The following DSCAML1 variants were observed in gnomAD, a reference collection of about 807,000 sequenced individuals.
DSCAML1 encodes cell adhesion molecule DSCAML1.
In DSCAML1, 38 loss-of-function variants were observed where a neutral mutation model predicts 200.5. The observed-to-expected ratio is 0.19, with a 90% CI of 0.15 to 0.25. The LOEUF is 0.25. Ranked by LOEUF, DSCAML1 falls within the 10% of genes least tolerant of loss-of-function variation. The pLI, the probability that DSCAML1 is intolerant of heterozygous loss-of-function variation, is 1.00. For missense variants in DSCAML1, 2,223 were observed against 2,858.8 expected (o/e 0.78, Z 5.07); for synonymous variants, 1,215 against 1,165.0 (o/e 1.04, Z -0.87).
Position 117,485,103 on chromosome 11 carries a change from C to T in DSCAML1, c.2360-2941G>A, listed in dbSNP as rs559058575. Reference sequence around the variant, plus strand: ...CCTCTGGCTGGGTGCTGCCTGGTGCCGGGAGCCACAGCTTGGCCAATGAAG... The same window carrying T: ...CCTCTGGCTGGGTGCTGCCTGGTGCTGGGAGCCACAGCTTGGCCAATGAAG... On this transcript the variant is annotated intron_variant, in intron 11 of 32. Coordinates refer to ENST00000651296, the MANE Select transcript of DSCAML1 (RefSeq NM_020693.4). Among the ~76,000 whole-genome samples, 6 of 152,238 alleles carry T rather than the reference C, an allele frequency of 3.9e-5. No individual in the cohort carries two copies. The South Asian group carries it at 8.3e-4, about 21-fold the overall frequency.
At chr11:117,746,221 CAAA>C (rs34362262) in intron 3 of DSCAML1, among the ~76,000 whole-genome samples, 7 of 66,804 alleles carry the variant, frequency 1.0e-4, no homozygotes, top group African/African-American at 4.9e-4. Flanking sequence ...GACTCTGTCT[CAAA>C]AAAAAAAAAA....
intron 3 of DSCAML1, among the ~76,000 whole-genome samples, chr11:117,723,667 T>C (rs1375455180): frequency 6.6e-6 from 1 of 152,200 alleles, no homozygotes; most frequent in East Asian, 1.9e-4. Context: ...CATCTGTGGA[T>C]TGACTGCAGC....
chr11:117,432,639 C>T (rs2047825296), intron 29 of DSCAML1, 135 bp from the exon 30 acceptor site: 4 of 1,020,956 alleles, frequency 3.9e-6, no homozygotes, highest in East Asian at 2.5e-5. Context: ...TTTTTTGAGA[C>T]AGGGTCTCAC....
intron 3 of DSCAML1, among the ~76,000 whole-genome samples, chr11:117,565,883 G>A (rs2050747330): frequency 6.6e-6 from 1 of 152,176 alleles, no homozygotes; most frequent in African/African-American, 2.4e-5. Context: ...TCCTCTGCAT[G>A]CCAAAGCTCA....
At chr11:117,513,168 G>C (rs778434512) in intron 8 of DSCAML1, among the ~76,000 whole-genome samples, 1 of 152,142 alleles carries the variant, frequency 6.6e-6, no homozygotes, top group African/African-American at 2.4e-5. Flanking sequence ...GGCCCGGCCC[G>C]TGATGCTGCT....
chr11:117,586,365 A>G (rs913999947), intron 3 of DSCAML1, among the ~76,000 whole-genome samples: 48 of 152,206 alleles, frequency 3.2e-4, no homozygotes, highest in African/African-American at 1.1e-3. Context: ...TGCATTTTGA[A>G]GTGTGCCACA....
rs1401690703 is a variant in DSCAML1 at position 117,792,526 on chromosome 11, GAGGTGGA to G, written c.46+4501_46+4507del. Among the ~76,000 whole-genome samples the G allele has an allele frequency of 4.6e-3, 694 of 152,222 alleles. 3 individuals carry two copies. Among genetic ancestry groups the G allele is most frequent in the South Asian group, 0.015 (71 of 4,816 alleles). ...CCACATACCTGAAGCTGCCCTAGGGGAGGTGGAATGAGAAGCTGGTGCTATATCTTTC... is the reference window on the plus strand; with the variant it reads ...CCACATACCTGAAGCTGCCCTAGGGGATGAGAAGCTGGTGCTATATCTTTC... On this transcript the variant is annotated intron_variant, in intron 1 of 32. Coordinates refer to ENST00000651296, the MANE Select transcript of DSCAML1 (RefSeq NM_020693.4).
At chr11:117,721,726 T>G (rs894526114) in intron 3 of DSCAML1, among the ~76,000 whole-genome samples, 1 of 147,452 alleles carries the variant, frequency 6.8e-6, no homozygotes, top group Non-Finnish European at 1.5e-5. Context: ...ATATCATATA[T>G]CATATATAAA....
rs368162792 is a variant in DSCAML1, at chr11:117,588,131, C to T, written c.512-55609G>A. ...CCTGGGTTAGGTTCCACTGTCACCC[C>T]GATTTTACAGTGAGGGAGGCACTGA... is the stretch of plus-strand genomic sequence containing the variant. On this transcript the variant is annotated intron_variant, in intron 3 of 32. Coordinates refer to ENST00000651296, the MANE Select transcript of DSCAML1 (RefSeq NM_020693.4). 2.6e-5 allele frequency among the ~76,000 whole-genome samples: 4 copies of T among 152,270 alleles called. No homozygotes were observed. In the East Asian group the frequency reaches 5.8e-4, roughly 22 times the overall value.
At chr11:117,482,190 G>A (rs748928111) in intron 11 of DSCAML1, 28 bp from the exon 12 acceptor site, 2 of 1,612,718 alleles carry the variant, frequency 1.2e-6, no homozygotes, top group Admixed American at 1.7e-5. Context: ...AGAAGGCCCA[G>A]TGAAGGTCGG....
intron 14 of DSCAML1, 147 bp from the exon 15 acceptor site, chr11:117,472,183 A>G: frequency 1.2e-6 from 1 of 826,214 alleles, no homozygotes. Context: ...GGCCTGAACA[A>G]CTTCACAGAC....
chr11:117,735,816 C>G (rs997227634), intron 3 of DSCAML1, among the ~76,000 whole-genome samples: 12 of 152,206 alleles, frequency 7.9e-5, no homozygotes, highest in African/African-American at 2.9e-4. Context: ...TGGCTTCCCC[C>G]AAGCCCCAGG....
chr11:117,640,764 C>A (rs968641287), intron 3 of DSCAML1, among the ~76,000 whole-genome samples: 3 of 152,202 alleles, frequency 2.0e-5, no homozygotes, highest in Non-Finnish European at 4.4e-5. Flanking sequence ...ACTCTCCAGG[C>A]GTTTCCTTTG....
intron 11 of DSCAML1, among the ~76,000 whole-genome samples, chr11:117,482,921 C>T (rs894774806): frequency 2.0e-5 from 3 of 152,192 alleles, no homozygotes; most frequent in Non-Finnish European, 4.4e-5. Flanking sequence ...TGTTTATCTC[C>T]CTCCTGTTCC....
intron 3 of DSCAML1, among the ~76,000 whole-genome samples, chr11:117,580,010 G>C (rs1307629390): frequency 6.6e-6 from 1 of 152,150 alleles, no homozygotes; most frequent in Non-Finnish European, 1.5e-5. Context: ...TTGCTTCCTG[G>C]AGACACGGTA....
intron 4 of DSCAML1, among the ~76,000 whole-genome samples, chr11:117,530,303 A>C (rs1276453518): frequency 4.6e-5 from 7 of 152,250 alleles, no homozygotes; most frequent in Admixed American, 3.9e-4. Flanking sequence ...TAGAGGATGA[A>C]GGGGCCAAAT....
chr11:117,785,246 A>T (rs1471773271), intron 1 of DSCAML1, among the ~76,000 whole-genome samples: 3 of 152,210 alleles, frequency 2.0e-5, no homozygotes, highest in Admixed American at 1.3e-4. Context: ...GCACCAGGCC[A>T]TATGTGACCC....
intron 3 of DSCAML1, among the ~76,000 whole-genome samples, chr11:117,613,524 C>G (rs1212633305): frequency 6.6e-6 from 1 of 152,082 alleles, no homozygotes; most frequent in African/African-American, 2.4e-5. Context: ...AGTCCTCTAC[C>G]GAGAACAAGA....
At chr11:117,668,898 A>C (rs1057127027) in intron 3 of DSCAML1, 2 of 152,188 alleles carry the variant, frequency 1.3e-5, no homozygotes, top group Non-Finnish European at 2.9e-5. Flanking sequence ...CACTGTAGTG[A>C]TAGAAGGCGG....
Sources: allele counts gnomAD v4.1 joint callset (sites outside exome capture counted in the v4.1 genomes callset), GRCh38; gene constraint gnomAD v4.1.1; transcripts MANE v1.5; gene names NCBI Gene and HGNC (gene_info 2026-07-23, HGNC 2026-07-21).